The following GRIA1 variants were observed in gnomAD, a reference collection of about 807,000 sequenced individuals.
GRIA1 encodes the protein glutamate receptor 1.
GRIA1 carries 31 observed loss-of-function variants against 99.2 expected under a neutral mutation model. That is an observed-to-expected ratio of 0.31 (90% CI 0.23 to 0.42). GRIA1 has a LOEUF of 0.42. Among genes scored for constraint, GRIA1 ranks in the 10% least tolerant of loss-of-function variants. GRIA1 has a pLI of 1.00. For synonymous variants in GRIA1, 438 were observed against 432.4 expected (o/e 1.01, Z -0.16); for missense variants, 782 against 1,157.5 (o/e 0.68, Z 4.71).
intron 2 of GRIA1, among the ~76,000 whole-genome samples, chr5:153,604,385 A>G (rs1184859736): frequency 3.3e-5 from 5 of 152,226 alleles, no homozygotes; most frequent in Non-Finnish European, 7.3e-5. Flanking sequence ...GTTAAAAAAA[A>G]CAGTTGCTAA....
intron 11 of GRIA1, 48 bp downstream of exon 11, chr5:153,706,115 T>G: frequency 7.0e-7 from 1 of 1,426,976 alleles, no homozygotes; most frequent in Non-Finnish European, 9.8e-7. Context: ...TGGTTTTGTT[T>G]GTTTGTTTGT....
rs560380176 is a variant in GRIA1, at chr5:153,649,456, G to T, written c.461-874G>T. Among the ~76,000 whole-genome samples, 725 of 151,894 alleles carry T rather than the reference G, an allele frequency of 4.8e-3. 4 individuals carry two copies. Among genetic ancestry groups the T allele is most frequent in the African/African-American group, 0.016 (672 of 41,430 alleles). ...ATTTATTTATTTAGTTAGTTAGTTA[G>T]TTAGTTAGTTAGTTAGTTGAGACAG... On this transcript the variant is annotated intron_variant, in intron 3 of 15. Coordinates refer to ENST00000285900, the MANE Select transcript of GRIA1 (RefSeq NM_000827.4).
At chr5:153,600,047 G>A (rs1764768860) in intron 2 of GRIA1, among the ~76,000 whole-genome samples, 1 of 152,040 alleles carries the variant, frequency 6.6e-6, no homozygotes, top group Non-Finnish European at 1.5e-5. Context: ...AAATAGCGCC[G>A]GTCGTCAGAG....
intron 13 of GRIA1, among the ~76,000 whole-genome samples, chr5:153,775,105 T>C (rs1184349471): frequency 6.6e-6 from 1 of 152,212 alleles, no homozygotes; most frequent in East Asian, 1.9e-4. Context: ...CCACTAATTA[T>C]GATCTATTGG....
intron 2 of GRIA1, among the ~76,000 whole-genome samples, chr5:153,504,582 C>T (rs1755317718): frequency 6.6e-6 from 1 of 152,002 alleles, no homozygotes; most frequent in Admixed American, 6.6e-5. Flanking sequence ...CAAGCACATA[C>T]AAGGGATTCT....
intron 14 of GRIA1, among the ~76,000 whole-genome samples, chr5:153,796,013 CTT>C (rs11426974): frequency 1.1e-4 from 14 of 130,214 alleles, no homozygotes; most frequent in Admixed American, 1.6e-4. Context: ...TTTTTTTTAA[CTT>C]TTTTTTTTTT....
At chr5:153,501,353 T>C (rs531443019) in intron 2 of GRIA1, among the ~76,000 whole-genome samples, 2 of 152,226 alleles carry the variant, frequency 1.3e-5, no homozygotes, top group East Asian at 3.9e-4. Flanking sequence ...AGGGCCATGA[T>C]TCTATGAAAG....
intron 2 of GRIA1, among the ~76,000 whole-genome samples, chr5:153,548,224 A>T (rs1156467683): frequency 2.0e-5 from 3 of 152,158 alleles, no homozygotes; most frequent in African/African-American, 7.2e-5. Context: ...ACATAAGCTC[A>T]TGTCCTGGAA....
intron 2 of GRIA1, among the ~76,000 whole-genome samples, chr5:153,535,203 T>A (rs761714903): frequency 2.6e-4 from 39 of 152,202 alleles, no homozygotes; most frequent in Non-Finnish European, 4.4e-4. Context: ...ATTGCAGGCA[T>A]GAGCCACCGC....
Position 153,796,434 on chromosome 5 carries a change from A to C in GRIA1, c.2385+1699A>C, listed in dbSNP as rs1254607506. 2.6e-5 allele frequency among the ~76,000 whole-genome samples: 4 copies of C among 152,238 alleles called. No individual in the cohort carries two copies. The East Asian group carries it at 7.7e-4, about 29-fold the overall frequency. On this transcript the variant is annotated intron_variant, in intron 14 of 15. Coordinates refer to ENST00000285900, the MANE Select transcript of GRIA1 (RefSeq NM_000827.4). Reference sequence around the variant, plus strand: ...TTCTTGCAAAAAAAAGAAGGCAACCATATAAATAACTATAATGACAACAAA... The same window carrying C: ...TTCTTGCAAAAAAAAGAAGGCAACCCTATAAATAACTATAATGACAACAAA...
rs547042389 is a variant in GRIA1, at chr5:153,798,851, AG to A, written c.2386-3498del. On this transcript the variant is annotated intron_variant, in intron 14 of 15. Transcript: ENST00000285900. The stretch of plus-strand genomic sequence containing the variant: ...ATGTGGAAAGAACAAGGAGAAATAT[AG>A]GGGGGGAAATCTCCTTTCCATATGA... 1.8e-4 allele frequency among the ~76,000 whole-genome samples: 27 copies of A among 152,248 alleles called. No individual in the cohort carries two copies. In the South Asian group the frequency reaches 5.6e-3, roughly 32 times the overall value.
At chr5:153,635,593 C>G (rs1200629949) in intron 2 of GRIA1, among the ~76,000 whole-genome samples, 1 of 152,162 alleles carries the variant, frequency 6.6e-6, no homozygotes, top group African/African-American at 2.4e-5. Context: ...ACTGTGGCCC[C>G]TGAACCTAAC....
intron 4 of GRIA1, among the ~76,000 whole-genome samples, chr5:153,650,867 T>C (rs562309508): frequency 1.1e-3 from 133 of 125,512 alleles, no homozygotes; most frequent in African/African-American, 3.5e-3. Flanking sequence ...AAGACCAGCC[T>C]AGCCAACATG....
chr5:153,542,913 C>T (rs1759257989), intron 2 of GRIA1, among the ~76,000 whole-genome samples: 1 of 152,118 alleles, frequency 6.6e-6, no homozygotes, highest in South Asian at 2.1e-4. Context: ...TGATTAAGAA[C>T]AAGAATGTTA....
chr5:153,649,435 A>AG (rs1261959702), intron 3 of GRIA1, among the ~76,000 whole-genome samples: 10 of 104,660 alleles, frequency 9.6e-5, no homozygotes, highest in African/African-American at 2.1e-4. Context: ...CATTTTATTT[A>AG]TTTATTTAGT....
chr5:153,545,862 G>T (rs1337605370), intron 2 of GRIA1, among the ~76,000 whole-genome samples: 2 of 152,172 alleles, frequency 1.3e-5, no homozygotes, highest in Non-Finnish European at 2.9e-5. Context: ...ACAGATAGCT[G>T]AATTTGGCCC....
At chr5:153,710,114 A>G (rs1044248407) in intron 11 of GRIA1, among the ~76,000 whole-genome samples, 87 of 152,102 alleles carry the variant, frequency 5.7e-4, no homozygotes, top group African/African-American at 2.1e-3. Context: ...TAACAGTGAA[A>G]GTTAAAAATC....
At chr5:153,639,691 C>T (rs764053504) in intron 2 of GRIA1, among the ~76,000 whole-genome samples, 3 of 152,230 alleles carry the variant, frequency 2.0e-5, no homozygotes, top group Admixed American at 6.5e-5. Context: ...AGAGCCTAAG[C>T]TCCAAGAGAG....
intron 15 of GRIA1, among the ~76,000 whole-genome samples, chr5:153,803,801 T>TCCATACATAGCCTCCTGC (rs1249594700): frequency 1.3e-5 from 2 of 152,300 alleles, no homozygotes; most frequent in East Asian, 3.9e-4. Context: ...CACTCTTGGA[T>TCCATACATAGCCTCCTGC]CCATACATAG....
Sources: gnomAD v4.1 joint callset for allele counts (sites outside exome capture counted in the v4.1 genomes callset) on GRCh38, gnomAD v4.1.1 for gene constraint, MANE v1.5 for transcripts, NCBI Gene and HGNC (gene_info 2026-07-23, HGNC 2026-07-21) for gene names.